Variants in AGBL4 observed in about 807,000 individuals in gnomAD.
AGBL4 encodes cytosolic carboxypeptidase 6.
Under a neutral mutation model 66.4 loss-of-function variants are expected in AGBL4, and 58 were observed. The observed-to-expected ratio is 0.87, with a 90% CI of 0.71 to 1.09. AGBL4 has a LOEUF of 1.09. Among genes scored for constraint, AGBL4 ranks in the 50% least tolerant of loss-of-function variants. AGBL4 has a pLI of 0.00. For synonymous variants in AGBL4, 234 were observed against 222.9 expected (o/e 1.05, Z -0.44); for missense variants, 579 against 631.0 (o/e 0.92, Z 0.88).
chr1:49,010,518 G>A lies in AGBL4; in HGVS notation c.594+35066C>T, dbSNP rs1041889470. 1.4e-3 allele frequency among the ~76,000 whole-genome samples: 190 copies of A among 135,896 alleles called. 4 individuals carry two copies. The highest frequency in any genetic ancestry group is 5.5e-3 in the African/African-American group (184 of 33,758). 89.2% of individuals were successfully genotyped at this position (135,896 alleles called of 152,430 possible). A position where few individuals can be genotyped will look rare whatever the true frequency, so the allele number is the denominator to read the frequency against. On this transcript the variant is annotated intron_variant, in intron 5 of 13. Transcript: ENST00000371839. ...TACCAATGCCTTTCTTCACAGAATTGGAAAAAACTACTTTAAAGTTCATAT... is the reference window on the plus strand; with the variant it reads ...TACCAATGCCTTTCTTCACAGAATTAGAAAAAACTACTTTAAAGTTCATAT...
At chr1:49,856,203 A>G (rs1043233417) in intron 1 of AGBL4, among the ~76,000 whole-genome samples, 2 of 152,040 alleles carry the variant, frequency 1.3e-5, no homozygotes, top group Non-Finnish European at 2.9e-5. Context: ...TAAATAGAAA[A>G]CCTGAACAGA....
chr1:48,555,630 G>A (rs1223124214), intron 11 of AGBL4, among the ~76,000 whole-genome samples: 1 of 152,174 alleles, frequency 6.6e-6, no homozygotes, highest in Admixed American at 6.5e-5. Flanking sequence ...CCAGGGGAGG[G>A]TTTTAAGAGA....
At chr1:48,624,058 A>C (rs756727185) in intron 9 of AGBL4, among the ~76,000 whole-genome samples, 29 of 152,230 alleles carry the variant, frequency 1.9e-4, no homozygotes, top group Non-Finnish European at 3.1e-4. Context: ...TATCAGCAGC[A>C]GAGAGGGAGC....
At position 49,658,422 on chromosome 1, in the gene AGBL4, C is replaced by A. The variant is rs1035089123; in HGVS notation, c.282+38891G>T. Among the ~76,000 whole-genome samples the A allele has an allele frequency of 2.4e-3, 360 of 152,208 alleles. 1 individual carries two copies. The highest frequency in any genetic ancestry group is 3.5e-3 in the Non-Finnish European group (235 of 67,992). ...TACACTGTTGGTGGGACTGTAAACT[C>A]GTTCAACCATTGTGGAATTCAGTGT... On this transcript the variant is annotated intron_variant, in intron 3 of 13. Coordinates refer to ENST00000371839, the MANE Select transcript of AGBL4 (RefSeq NM_032785.4).
chr1:49,698,154 C>T (rs1647022042), intron 2 of AGBL4, among the ~76,000 whole-genome samples: 1 of 152,098 alleles, frequency 6.6e-6, no homozygotes, highest in Non-Finnish European at 1.5e-5. Context: ...ATTTGTTACA[C>T]AATGGTACTG....
intron 5 of AGBL4, among the ~76,000 whole-genome samples, chr1:48,982,954 A>G (rs1379993436): frequency 1.3e-5 from 2 of 152,174 alleles, no homozygotes; most frequent in African/African-American, 2.4e-5. Flanking sequence ...GATGGTGCCA[A>G]CTAAGGAATT....
intron 3 of AGBL4, among the ~76,000 whole-genome samples, chr1:49,552,302 C>A (rs1450329820): frequency 1.3e-5 from 2 of 152,164 alleles, no homozygotes; most frequent in East Asian, 1.9e-4. Context: ...ACACCCTCCC[C>A]CAGGTTCTGG....
chr1:49,835,475 G>C (rs186694287), intron 2 of AGBL4, among the ~76,000 whole-genome samples: 18 of 152,188 alleles, frequency 1.2e-4, no homozygotes, highest in African/African-American at 4.1e-4. Flanking sequence ...CTTTGCATGT[G>C]AGACGGGTCT....
intron 3 of AGBL4, among the ~76,000 whole-genome samples, chr1:49,562,326 G>C (rs1462865363): frequency 6.6e-6 from 1 of 152,104 alleles, no homozygotes; most frequent in African/African-American, 2.4e-5. Flanking sequence ...GATCCCATTT[G>C]TCAATTTTGG....
chr1:49,905,351 G>A (rs1374823993), intron 1 of AGBL4, among the ~76,000 whole-genome samples: 3 of 152,240 alleles, frequency 2.0e-5, no homozygotes, highest in South Asian at 4.1e-4. Context: ...AAGATGAAAA[G>A]TCTTTTCCCT....
chr1:49,149,972 CT>C (rs1308819652), intron 4 of AGBL4, among the ~76,000 whole-genome samples: 2 of 152,202 alleles, frequency 1.3e-5, no homozygotes, highest in African/African-American at 4.8e-5. Flanking sequence ...AGTATCTTCT[CT>C]ACACATTATT....
chr1:49,889,756 CA>C (rs935164398), intron 1 of AGBL4, among the ~76,000 whole-genome samples: 56 of 141,350 alleles, frequency 4.0e-4, no homozygotes, highest in Admixed American at 7.1e-4. Flanking sequence ...GGCTCCATCT[CA>C]AAAAAAAAAA....
At chr1:49,421,324 C>T (rs576966506) in intron 3 of AGBL4, among the ~76,000 whole-genome samples, 1 of 151,930 alleles carries the variant, frequency 6.6e-6, no homozygotes, top group South Asian at 2.1e-4. Context: ...AAAAATGACT[C>T]TGTTGTCTTC....
At position 49,491,248 on chromosome 1, in the gene AGBL4, C is replaced by T. The variant is rs576574026; in HGVS notation, c.282+206065G>A. Among the ~76,000 whole-genome samples the T allele has an allele frequency of 1.2e-3, 183 of 151,920 alleles. 1 individual carries two copies. The South Asian group carries it at 0.035, about 29-fold the overall frequency. The stretch of plus-strand genomic sequence containing the variant: ...TCAACTGCTTTACAAGTACCTCCCA[C>T]ATCAGATTGTTTTAGGCCTTTCCTG... On this transcript the variant is annotated intron_variant, in intron 3 of 13. Transcript: ENST00000371839.
chr1:49,093,352 T>C (rs1426434071), intron 4 of AGBL4, among the ~76,000 whole-genome samples: 2 of 152,162 alleles, frequency 1.3e-5, no homozygotes, highest in Non-Finnish European at 2.9e-5. Context: ...ATAGCCAATA[T>C]CTTACTAGAT....
At chr1:49,669,427 C>G (rs2124518809) in intron 3 of AGBL4, among the ~76,000 whole-genome samples, 1 of 152,124 alleles carries the variant, frequency 6.6e-6, no homozygotes, top group Admixed American at 6.6e-5. Flanking sequence ...ATGAAGATGG[C>G]AAAAAAAGTT....
Position 49,525,985 on chromosome 1 carries a change from G to A in AGBL4, c.282+171328C>T, listed in dbSNP as rs372655794. On this transcript the variant is annotated intron_variant, in intron 3 of 13. Coordinates refer to ENST00000371839, the MANE Select transcript of AGBL4 (RefSeq NM_032785.4). ...CGGGTGCCTGTAGTCCCAGCTACTC[G>A]GGAGGCTGAGGCAGGAGAATGGCGT... Among the ~76,000 whole-genome samples the A allele has an allele frequency of 9.9e-5, 15 of 151,966 alleles. No individual in the cohort carries two copies. In the East Asian group the frequency reaches 2.5e-3, roughly 26 times the overall value.
intron 3 of AGBL4, among the ~76,000 whole-genome samples, chr1:49,399,456 C>T (rs1440173668): frequency 1.3e-5 from 2 of 152,132 alleles, no homozygotes; most frequent in Non-Finnish European, 2.9e-5. Flanking sequence ...TTTACATTCT[C>T]GCCAAAAGTG....
intron 2 of AGBL4, among the ~76,000 whole-genome samples, chr1:49,836,928 G>C (rs1645866219): frequency 6.6e-6 from 1 of 152,176 alleles, no homozygotes; most frequent in Non-Finnish European, 1.5e-5. Flanking sequence ...AGCTAAGATT[G>C]CTGCTTGCTC....
Sources: gnomAD v4.1 joint callset for allele counts (sites outside exome capture counted in the v4.1 genomes callset) on GRCh38, gnomAD v4.1.1 for gene constraint, MANE v1.5 for transcripts, NCBI Gene and HGNC (gene_info 2026-07-23, HGNC 2026-07-21) for gene names.